The following INVS variants were observed in gnomAD, a reference collection of about 807,000 sequenced individuals.
INVS encodes the protein inversion of embryo turning homolog.
Under a neutral mutation model 108.8 loss-of-function variants are expected in INVS, and 86 were observed. The observed-to-expected ratio is 0.79, with a 90% confidence interval of 0.66 to 0.95. INVS has a LOEUF of 0.95. INVS is among the 40% of genes least tolerant of loss of function. The pLI, the probability that INVS is intolerant of heterozygous loss-of-function variation, is 0.00. For missense variants in INVS, 1,169 were observed against 1,297.4 expected, an observed-to-expected ratio of 0.90 and a Z score of 1.52; for synonymous variants, 455 against 473.5, an observed-to-expected ratio of 0.96 and a Z score of 0.51.
At chr9:100,289,760 A>G (rs1010490867) in intron 13 of INVS, among the ~76,000 whole-genome samples, 2 of 152,242 alleles carry the variant, frequency 1.3e-5, no homozygotes, top group African/African-American at 4.8e-5. Context: ...CAGTTTATCC[A>G]TTCACCTACT....
chr9:100,185,516 A>ATATATATATATATAT (rs1224840527), intron 3 of INVS, among the ~76,000 whole-genome samples: 2 of 110,852 alleles, frequency 1.8e-5, no homozygotes, highest in Admixed American at 2.3e-4. Context: ...TATGCATAGA[A>ATATATATATATATAT]ATATATATAT....
chr9:100,268,159 G>A (rs1364140570), intron 11 of INVS, among the ~76,000 whole-genome samples: 1 of 152,112 alleles, frequency 6.6e-6, no homozygotes, highest in East Asian at 1.9e-4. Context: ...TCCATAGACA[G>A]AGTAGGGCGT....
chr9:100,249,914 GGTCAACGTGGTGAAACCCC>G (rs1435661162), intron 8 of INVS, among the ~76,000 whole-genome samples: 4 of 151,874 alleles, frequency 2.6e-5, no homozygotes, highest in Non-Finnish European at 5.9e-5. Flanking sequence ...AGACCAGTCT[GGTCAACGTGGTGAAACCCC>G]GTCTCTGCTA....
intron 6 of INVS, 104 bp from the exon 7 acceptor site, chr9:100,242,466 G>A: frequency 1.4e-6 from 1 of 715,548 alleles, no homozygotes. Flanking sequence ...CGTTGTGAAT[G>A]CTGTATTATG....
At chr9:100,272,658 C>T (rs1832991963) in intron 11 of INVS, among the ~76,000 whole-genome samples, 1 of 152,084 alleles carries the variant, frequency 6.6e-6, no homozygotes, top group Non-Finnish European at 1.5e-5. Context: ...GCACAAAGCA[C>T]CTGACCCACA....
chr9:100,175,161 C>A, intron 3 of INVS: 1 of 401,754 alleles, frequency 2.5e-6, no homozygotes, highest in South Asian at 2.7e-5. Context: ...TTTTTCCTCC[C>A]CTTTTTCAAT....
chr9:100,259,609 C>T (rs1832545151), intron 10 of INVS, among the ~76,000 whole-genome samples: 1 of 145,796 alleles, frequency 6.9e-6, no homozygotes, highest in Non-Finnish European at 1.5e-5. Context: ...GCAATCTTGG[C>T]TCACTGCAAC....
intron 3 of INVS, among the ~76,000 whole-genome samples, chr9:100,156,216 C>T (rs1828973476): frequency 4.0e-5 from 6 of 148,670 alleles, no homozygotes; most frequent in Admixed American, 4.0e-4. Flanking sequence ...ACAGTTGCTT[C>T]AATGGAAACA....
chr9:100,161,266 T>G (rs1369752021), intron 3 of INVS, among the ~76,000 whole-genome samples: 4 of 149,064 alleles, frequency 2.7e-5, no homozygotes, highest in Admixed American at 6.8e-5. Context: ...ATCCCAGCTA[T>G]TCGGGAGACT....
intron 5 of INVS, among the ~76,000 whole-genome samples, chr9:100,234,022 C>A (rs1831600133): frequency 1.3e-5 from 2 of 152,124 alleles, no homozygotes; most frequent in Non-Finnish European, 2.9e-5. Context: ...GGTTGGTAGG[C>A]TATTAATTAC....
intron 4 of INVS, among the ~76,000 whole-genome samples, chr9:100,226,994 C>G (rs769606784): frequency 1.3e-5 from 2 of 152,054 alleles, no homozygotes; most frequent in Non-Finnish European, 2.9e-5. Context: ...GGGTTTCAAC[C>G]CAGAATCCAC....
chr9:100,114,504 C>T (rs1197468553), intron 2 of INVS, among the ~76,000 whole-genome samples: 2 of 143,526 alleles, frequency 1.4e-5, no homozygotes, highest in South Asian at 2.3e-4. Context: ...TAGGCTCAAG[C>T]GATCCTCCCA....
At chr9:100,180,555 T>TAA (rs2119070187) in intron 3 of INVS, among the ~76,000 whole-genome samples, 1 of 152,264 alleles carries the variant, frequency 6.6e-6, no homozygotes, top group Non-Finnish European at 1.5e-5. Context: ...CCTGGACACA[T>TAA]ACACCCTCCT....
chr9:100,122,082 G>T (rs1827741548), intron 2 of INVS, among the ~76,000 whole-genome samples: 1 of 152,056 alleles, frequency 6.6e-6, no homozygotes, highest in South Asian at 2.1e-4. Flanking sequence ...ATTCATTCAT[G>T]ACCCAGTATA....
At chr9:100,102,407 TCATTTTAGTGATACGATGTTC>T (rs1827025417) in intron 1 of INVS, among the ~76,000 whole-genome samples, 1 of 152,234 alleles carries the variant, frequency 6.6e-6, no homozygotes, top group African/African-American at 2.4e-5. Flanking sequence ...GAAATATGGT[TCATTTTAGTGATACGATGTTC>T]CAAGTAAGAT....
chr9:100,241,605 T>C (rs972997978), intron 6 of INVS, among the ~76,000 whole-genome samples: 3 of 152,214 alleles, frequency 2.0e-5, no homozygotes, highest in Non-Finnish European at 4.4e-5. Flanking sequence ...TTTCCTATAG[T>C]ATGTTTTTTT....
At chr9:100,278,231 CAA>C (rs750217205) in intron 12 of INVS, among the ~76,000 whole-genome samples, 24 of 83,102 alleles carry the variant, frequency 2.9e-4, no homozygotes, top group African/African-American at 5.8e-4. Context: ...GACCCTGTCT[CAA>C]AAAAAAAAAA....
intron 14 of INVS, among the ~76,000 whole-genome samples, chr9:100,294,891 C>A (rs191063170): frequency 6.6e-6 from 1 of 152,154 alleles, no homozygotes; most frequent in Non-Finnish European, 1.5e-5. Context: ...TCACTGATAA[C>A]CCTGCAAGGT....
rs188996485 is a variant in INVS, at chr9:100,181,305, A to G, written c.274-44757A>G. Among the ~76,000 whole-genome samples, 14 of 152,274 alleles carry G rather than the reference A, an allele frequency of 9.2e-5. No homozygotes were observed. In the South Asian group the frequency reaches 1.4e-3, roughly 16 times the overall value. On this transcript the variant is annotated intron_variant, in intron 3 of 16. Coordinates refer to ENST00000262457, the MANE Select transcript of INVS (RefSeq NM_014425.5). Reference sequence around the variant, plus strand: ...AAAAGAAAGAAATAAAGGGTATTCAAATAGGAAGAGAGGAAGCCAAATTGT... The same window carrying G: ...AAAAGAAAGAAATAAAGGGTATTCAGATAGGAAGAGAGGAAGCCAAATTGT...
Sources: gnomAD v4.1 joint callset for allele counts (sites outside exome capture counted in the v4.1 genomes callset) on GRCh38, gnomAD v4.1.1 for gene constraint, MANE v1.5 for transcripts, NCBI Gene and HGNC (gene_info 2026-07-23, HGNC 2026-07-21) for gene names.